Variants in SLC6A19 observed in about 807,000 individuals in gnomAD.
SLC6A19 encodes the protein sodium-dependent neutral amino acid transporter B(0)AT1.
In SLC6A19, 67 loss-of-function variants were observed where a neutral mutation model predicts 68.3. The observed-to-expected ratio is 0.98, with a 90% CI of 0.81 to 1.20. The LOEUF is 1.20. Among genes scored for constraint, SLC6A19 ranks in the 50% most tolerant of loss-of-function variants. The pLI is 0.00. For synonymous variants in SLC6A19, 392 were observed against 374.9 expected (o/e 1.05, Z -0.53); for missense variants, 813 against 851.6 (o/e 0.95, Z 0.56).
chr5:1,219,429 G>A (rs1021479559), intron 9 of SLC6A19, 76 bp from the exon 10 acceptor site: 37 of 1,586,990 alleles, frequency 2.3e-5, no homozygotes, highest in Non-Finnish European at 2.9e-5. Context: ...GCAGCCCCCA[G>A]TTGTGTGAAC....
In SLC6A19 at chr5:1,212,258, T is replaced by C. The variant is rs2126502784; in HGVS notation, c.482-45T>C. ...GCTCAGGGCCTTCCATTCTCCTCCC[T>C]TGGGGGACCCGTACCCTGAGGTGTG... is the stretch of plus-strand genomic sequence containing the variant. On this transcript the variant is annotated intron_variant, in intron 3 of 11. Coordinates refer to ENST00000304460, the MANE Select transcript of SLC6A19 (RefSeq NM_001003841.3). The surrounding 1 kb of genome is among the most constrained non-coding windows in gnomAD (Gnocchi z 5.1). The C allele has an allele frequency of 6.2e-7, 1 of 1,609,938 alleles. No homozygotes were observed. The highest frequency in any genetic ancestry group is 8.5e-7 in the Non-Finnish European group (1 of 1,179,644).
At position 1,201,665 on chromosome 5, in the gene SLC6A19, G is replaced by T; in HGVS notation, c.15G>T (p.Val5=). 1 of 1,607,358 alleles carries T rather than the reference G, an allele frequency of 6.2e-7. No homozygotes were observed. The change falls in exon 1 of 12, where the codon GTG becomes GTT. Residue 5 remains valine, a synonymous_variant. Coordinates refer to ENST00000304460, the MANE Select transcript of SLC6A19 (RefSeq NM_001003841.3). ...CAGCGACCACCATGGTGAGGCTCGT[G>T]CTGCCCAACCCCGGCCTAGACGCCC... MVRL[V]LPNPGLDARI...
rs1371591515 is a variant in SLC6A19, at chr5:1,201,770, G to A, written c.120G>A (p.Gln40=). The change falls in exon 1 of 12, where the codon CAG becomes CAA. Residue 40 remains glutamine, a synonymous_variant. Transcript: ENST00000304460. ...SSRPKWDNKA[Q]YMLTCLGFCV... is the part of the protein sequence containing the mutation. ...GGCCGAAGTGGGACAACAAGGCGCA[G>A]TACATGCTCACCTGCCTGGGCTTCT... is the stretch of plus-strand genomic sequence containing the variant. 1 of 1,612,848 alleles carries A rather than the reference G, an allele frequency of 6.2e-7. No homozygotes were observed. Among genetic ancestry groups the A allele is most frequent in the Admixed American group, 1.7e-5 (1 of 60,022 alleles).
Position 1,222,146 on chromosome 5 carries a change from T to C in SLC6A19, c.*242T>C. On this transcript the variant is annotated 3_prime_UTR_variant, in exon 12 of 12. Transcript: ENST00000304460. ...ACACATATACATGTGTGTGGGTGTG[T>C]GTATTGTATGTGCATGTGCCATGTG... is the stretch of plus-strand genomic sequence containing the variant. 1.7e-6 allele frequency: 1 copy of C among 602,654 alleles called. No homozygotes were observed. Among genetic ancestry groups the C allele is most frequent in the Non-Finnish European group, 3.0e-6 (1 of 338,312 alleles). 37.3% of individuals were successfully genotyped at this position (602,654 alleles called of 1,614,324 possible). A position where few individuals can be genotyped will look rare whatever the true frequency, so the allele number is the denominator to read the frequency against.
chr5:1,216,858 C>T lies in SLC6A19; in HGVS notation c.1086C>T (p.Asp362=). The T allele has an allele frequency of 6.2e-7, 1 of 1,613,808 alleles. No homozygotes were observed. The highest frequency in any genetic ancestry group is 8.5e-7 in the Non-Finnish European group (1 of 1,180,048). ...EGNVTQENFV[D]MQQRCNASDP... ...ACGTGACCCAGGAGAACTTTGTGGACATGCAGCAGCGGTGCAACGCCTCCG... is the reference window on the plus strand; with the variant it reads ...ACGTGACCCAGGAGAACTTTGTGGATATGCAGCAGCGGTGCAACGCCTCCG... The change falls in exon 8 of 12, where the codon GAC becomes GAT. Residue 362 remains aspartate (D), a synonymous_variant. Transcript: ENST00000304460.
rs1170388264 is a variant in SLC6A19 at position 1,222,276 on chromosome 5, G to A, written c.*372G>A. 3.6e-6 allele frequency: 2 copies of A among 562,808 alleles called. No individual in the cohort carries two copies. Among genetic ancestry groups the A allele is most frequent in the Non-Finnish European group, 6.3e-6 (2 of 318,992 alleles). 34.9% of individuals were successfully genotyped at this position (562,808 alleles called of 1,614,324 possible). A position where few individuals can be genotyped will look rare whatever the true frequency, so the allele number is the denominator to read the frequency against. The stretch of plus-strand genomic sequence containing the variant: ...TGTGCGATATTTGCTGCCCGTGTGT[G>A]TGCATGTATATATAGACATACATGC... On this transcript the variant is annotated 3_prime_UTR_variant, in exon 12 of 12. Coordinates refer to ENST00000304460, the MANE Select transcript of SLC6A19 (RefSeq NM_001003841.3).
Position 1,210,525 on chromosome 5 carries a change from A to G in SLC6A19, c.425A>G (p.Asn142Ser). 2 of 1,612,944 alleles carry G rather than the reference A, an allele frequency of 1.2e-6. No homozygotes were observed. The highest frequency in any genetic ancestry group is 1.7e-6 in the Non-Finnish European group (2 of 1,179,912). ...TCCTGGATCATGTGGTACTTATTCA[A>G]CTCCTTCCAGGAGCCTCTGCCCTGG... ...IISWIMWYLF[N>S]SFQEPLPWSD... The change falls in exon 3 of 12, where the codon AAC (asparagine) becomes AGC (serine). Residue 142 changes from asparagine to serine, a missense_variant. Coordinates refer to ENST00000304460, the MANE Select transcript of SLC6A19 (RefSeq NM_001003841.3).
At position 1,214,961 on chromosome 5, in the gene SLC6A19, G is replaced by C. The variant is rs1030629121; in HGVS notation, c.887+896G>C. On this transcript the variant is annotated intron_variant, in intron 6 of 11. Transcript: ENST00000304460. The surrounding 1 kb of genome is among the most constrained non-coding windows in gnomAD (Gnocchi z 7.4). ...CAGGTGCAGAGCCCAGGCAGGGAGG[G>C]CTGGGGTGCAGAGGGAGATGTGCTT... 1.2e-4 allele frequency among the ~76,000 whole-genome samples: 18 copies of C among 152,072 alleles called. No individual in the cohort carries two copies. The highest frequency in any genetic ancestry group is 2.1e-4 in the Non-Finnish European group (14 of 67,992).
intron 1 of SLC6A19, among the ~76,000 whole-genome samples, chr5:1,206,791 G>A (rs1396929786): frequency 2.6e-5 from 4 of 152,128 alleles, no homozygotes; most frequent in African/African-American, 9.7e-5. Flanking sequence ...CATCCCCACA[G>A]CCCTCCCTCT....
chr5:1,213,294 C>T (rs1746100140), intron 4 of SLC6A19, among the ~76,000 whole-genome samples, 169 bp from the exon 5 acceptor site: 1 of 22,948 alleles, frequency 4.4e-5, no homozygotes, highest in African/African-American at 2.3e-4. Flanking sequence ...CCCTGTCCCC[C>T]CAACAGGCCT....
intron 1 of SLC6A19, among the ~76,000 whole-genome samples, chr5:1,206,903 T>C (rs1016798845): frequency 1.3e-5 from 2 of 152,274 alleles, no homozygotes; most frequent in South Asian, 2.1e-4. Flanking sequence ...CCCAGGCCCT[T>C]CAGCCACAGC....
At position 1,201,824 on chromosome 5, in the gene SLC6A19, C is replaced by T; in HGVS notation, c.174C>T (p.Phe58=). ...FCVGLGNVWR[F]PYLCQSHGGG... is the part of the protein sequence containing the mutation. ...TGGGCCTCGGCAACGTGTGGCGCTT[C>T]CCCTACCTGTGTCAGAGCCACGGAG... The change falls in exon 1 of 12, where the codon TTC becomes TTT. Residue 58 remains phenylalanine (F), a synonymous_variant. Transcript: ENST00000304460. 2.5e-6 allele frequency: 4 copies of T among 1,611,964 alleles called. No individual in the cohort carries two copies. The highest frequency in any genetic ancestry group is 1.1e-5 in the South Asian group (1 of 91,078).
intron 10 of SLC6A19, among the ~76,000 whole-genome samples, chr5:1,220,843 C>G (rs1482080333): frequency 6.6e-6 from 1 of 152,198 alleles, no homozygotes; most frequent in African/African-American, 2.4e-5. Flanking sequence ...GCGGCGCTCC[C>G]TCCTCCAACC....
intron 1 of SLC6A19, among the ~76,000 whole-genome samples, chr5:1,207,767 G>A (rs1039547067): frequency 6.6e-6 from 1 of 152,240 alleles, no homozygotes; most frequent in African/African-American, 2.4e-5. Flanking sequence ...TCTCCTGGCT[G>A]TCAGCGCCTG....
chr5:1,213,656 T>G, intron 5 of SLC6A19, 83 bp downstream of exon 5: 1 of 1,344,110 alleles, frequency 7.4e-7, no homozygotes, highest in Non-Finnish European at 1.0e-6. Flanking sequence ...ATACCAGCTC[T>G]CACCCACGGG....
chr5:1,201,899 C>G, intron 1 of SLC6A19, 47 bp downstream of exon 1: 1 of 1,582,450 alleles, frequency 6.3e-7, no homozygotes. Context: ...GCCAGGGAAG[C>G]ACAGACACAC....
Position 1,219,608 on chromosome 5 carries a change from G to T in SLC6A19, c.1482G>T (p.Leu494=). 6.2e-7 allele frequency: 1 copy of T among 1,610,644 alleles called. No homozygotes were observed. Among genetic ancestry groups the T allele is most frequent in the South Asian group, 1.1e-5 (1 of 91,074 alleles). ...ACAGCTATGCCGGCTCCATTCCCCT[G>T]CTCATCATCGCCTTCTGCGAGATGT... ...LLDSYAGSIP[L]LIIAFCEMFS... Residue 494 remains leucine (L), a synonymous_variant, in exon 10 of 12, where the codon CTG becomes CTT. Transcript: ENST00000304460.
At chr5:1,208,682 C>T (rs148084909) in intron 1 of SLC6A19, 64 bp from the exon 2 acceptor site, 20 of 1,610,558 alleles carry the variant, frequency 1.2e-5, no homozygotes, top group Admixed American at 6.7e-5. Flanking sequence ...TGCCTGCTCC[C>T]GAGGGAGGCC....
chr5:1,217,290 G>C (rs1336823062), intron 8 of SLC6A19, among the ~76,000 whole-genome samples: 1 of 152,258 alleles, frequency 6.6e-6, no homozygotes, highest in Non-Finnish European at 1.5e-5. Context: ...TATCGACATT[G>C]AAAGAGTTTT....
Sources: gnomAD v4.1 joint callset for allele counts (sites outside exome capture counted in the v4.1 genomes callset) on GRCh38, gnomAD v4.1.1 for gene constraint, Gnocchi (gnomAD v3.1) non-coding constraint, MANE v1.5 for transcripts, NCBI Gene and HGNC (gene_info 2026-07-23, HGNC 2026-07-21) for gene names.